SV2C: variants seen among roughly 807,000 people sequenced by gnomAD.
SV2C encodes the protein solute carrier family 22 member B3.
In SV2C, 49 loss-of-function variants were observed where a neutral mutation model predicts 79.7. The observed-to-expected ratio is 0.61, with a 90% CI of 0.49 to 0.78. The LOEUF (loss-of-function observed/expected upper bound fraction) is 0.78. Among genes scored for constraint, SV2C ranks in the 30% least tolerant of loss-of-function variants. The pLI, the probability that SV2C is intolerant of heterozygous loss-of-function variation, is 0.00. For synonymous variants in SV2C, 334 were observed against 333.2 expected (o/e 1.00, Z -0.03); for missense variants, 833 against 912.9 (o/e 0.91, Z 1.13).
At chr5:75,907,692 C>T in the SV2C span, among the ~76,000 whole-genome samples, 7 of 152,098 alleles carry the variant, frequency 4.6e-5, no homozygotes, top group South Asian at 2.1e-4. Context: ...TGTCCCTAAC[C>T]GAGACAGATC....
At chr5:75,902,725 C>G in the SV2C span, among the ~76,000 whole-genome samples, 6 of 152,126 alleles carry the variant, frequency 3.9e-5, no homozygotes, top group Non-Finnish European at 7.3e-5. Context: ...CATTATGAAA[C>G]TGGCTCATAA....
chr5:75,940,108 G>A, the SV2C span, among the ~76,000 whole-genome samples: 1 of 152,150 alleles, frequency 6.6e-6, no homozygotes, highest in Non-Finnish European at 1.5e-5. Context: ...TGTAATTCCA[G>A]TACAAGCACT....
chr5:75,998,268 C>T, the SV2C span, among the ~76,000 whole-genome samples: 5 of 151,994 alleles, frequency 3.3e-5, no homozygotes, highest in South Asian at 2.1e-4. Context: ...GTGTAGCATA[C>T]CAACATGGCA....
intron 2 of SV2C, among the ~76,000 whole-genome samples, chr5:76,169,249 T>C (rs1373614346): frequency 1.3e-5 from 2 of 152,210 alleles, no homozygotes; most frequent in African/African-American, 4.8e-5. Context: ...CTGGGGACTC[T>C]GTTTAGAAGC....
chr5:76,022,801 G>T, the SV2C span, among the ~76,000 whole-genome samples: 1 of 152,088 alleles, frequency 6.6e-6, no homozygotes, highest in Non-Finnish European at 1.5e-5. Context: ...CACTTTATGT[G>T]CTTCTGCTAC....
chr5:75,887,457 T>C, the SV2C span, among the ~76,000 whole-genome samples: 5 of 151,944 alleles, frequency 3.3e-5, no homozygotes, highest in African/African-American at 1.2e-4. Flanking sequence ...TCTTGTAGTA[T>C]TTGTCTTATC....
chr5:76,027,841 C>G, the SV2C span, among the ~76,000 whole-genome samples: 1 of 152,098 alleles, frequency 6.6e-6, no homozygotes, highest in Non-Finnish European at 1.5e-5. Flanking sequence ...CTCTGTGCTC[C>G]GTGAATCATG....
chr5:75,969,471 G>A, the SV2C span, among the ~76,000 whole-genome samples: 1 of 152,136 alleles, frequency 6.6e-6, no homozygotes, highest in Non-Finnish European at 1.5e-5. Flanking sequence ...ATAAAGGGAT[G>A]GAGGAAGATC....
chr5:76,282,015 C>G (rs1466908613), intron 4 of SV2C, among the ~76,000 whole-genome samples: 4 of 152,158 alleles, frequency 2.6e-5, no homozygotes, highest in African/African-American at 9.7e-5. Flanking sequence ...CCTGCTGTAT[C>G]CATTGTAGTG....
At chr5:76,243,012 TAAAAAAAA>T (rs559052290) in intron 4 of SV2C, among the ~76,000 whole-genome samples, 14 of 49,924 alleles carry the variant, frequency 2.8e-4, no homozygotes, top group African/African-American at 8.3e-4. Context: ...AGACCCCATC[TAAAAAAAA>T]AAAAAAAAAA....
chr5:75,887,760 A>G, the SV2C span, among the ~76,000 whole-genome samples: 2 of 152,242 alleles, frequency 1.3e-5, no homozygotes, highest in South Asian at 4.2e-4. Flanking sequence ...AACAAAACAA[A>G]CAAACAAAAC....
the SV2C span, among the ~76,000 whole-genome samples, chr5:75,948,932 G>A: frequency 6.6e-6 from 1 of 152,078 alleles, no homozygotes; most frequent in African/African-American, 2.4e-5. Flanking sequence ...GATAGAGCTT[G>A]GATATTTGTC....
rs568738125 is a variant in SV2C, at chr5:76,162,970, T to G, written c.580+30640T>G. Among the ~76,000 whole-genome samples, 6 of 152,310 alleles carry G rather than the reference T, an allele frequency of 3.9e-5. No individual in the cohort carries two copies. The East Asian group carries it at 9.6e-4, about 24-fold the overall frequency. On this transcript the variant is annotated intron_variant, in intron 2 of 12. Coordinates refer to ENST00000502798, the MANE Select transcript of SV2C (RefSeq NM_014979.4). ...AAATGAAGAGACTCTGATGAAGCCC[T>G]TTATATCATGGAGCACATATTAATA...
At chr5:76,174,114 C>G (rs1743437153) in intron 2 of SV2C, 1 of 1,599,970 alleles carries the variant, frequency 6.3e-7, no homozygotes. Context: ...ATTCCTTGAA[C>G]AAATTGTACA....
intron 9 of SV2C, among the ~76,000 whole-genome samples, chr5:76,297,609 T>C (rs1448080923): frequency 6.6e-6 from 1 of 152,172 alleles, no homozygotes; most frequent in Admixed American, 6.5e-5. Flanking sequence ...CATTTAGATG[T>C]TTTTACTCTG....
chr5:76,308,310 C>G (rs1748280491), intron 12 of SV2C, among the ~76,000 whole-genome samples: 1 of 152,154 alleles, frequency 6.6e-6, no homozygotes, highest in Non-Finnish European at 1.5e-5. Flanking sequence ...CACTCCCTTC[C>G]TGATCATGGA....
At chr5:75,932,990 AC>A in the SV2C span, among the ~76,000 whole-genome samples, 3 of 152,034 alleles carry the variant, frequency 2.0e-5, no homozygotes, top group African/African-American at 7.2e-5. Context: ...ATCCTGTGTC[AC>A]TGCTGCCCCT....
the SV2C span, among the ~76,000 whole-genome samples, chr5:75,999,481 G>A: frequency 6.6e-6 from 1 of 151,910 alleles, no homozygotes; most frequent in East Asian, 1.9e-4. Flanking sequence ...GGGCAGGTTG[G>A]AGCCCCAGGA....
the SV2C span, among the ~76,000 whole-genome samples, chr5:75,900,386 T>C: frequency 2.0e-5 from 3 of 152,248 alleles, no homozygotes; most frequent in African/African-American, 7.2e-5. Flanking sequence ...ATGTTGAATA[T>C]TGGCCCCCAC....
Sources: gnomAD v4.1 joint callset for allele counts (sites outside exome capture counted in the v4.1 genomes callset) on GRCh38, gnomAD v4.1.1 for gene constraint, MANE v1.5 for transcripts, NCBI Gene and HGNC (gene_info 2026-07-23, HGNC 2026-07-21) for gene names.